RAB31: variants seen among roughly 807,000 people sequenced by gnomAD.
RAB31 encodes the protein RAB31, member RAS oncogene family, also known as ras-related protein Rab-31.
In RAB31, 21 loss-of-function variants were observed where a neutral mutation model predicts 25.6. The observed-to-expected ratio is 0.82, with a 90% confidence interval of 0.58 to 1.18. RAB31 has a LOEUF of 1.18. Ranked by LOEUF, RAB31 falls within the 50% of genes most tolerant of loss-of-function variation. The probability of loss-of-function intolerance (pLI) is 0.00; values close to 1 mark genes in which losing one functional copy is unlikely to be tolerated. For synonymous variants in RAB31, 87 were observed against 84.0 expected (o/e 1.04, Z -0.20); for missense variants, 196 against 250.1 (o/e 0.78, Z 1.46).
intron 5 of RAB31, chr18:9,830,760 C>T (rs1343780439): frequency 6.6e-6 from 1 of 152,166 alleles, no homozygotes; most frequent in East Asian, 1.9e-4. Context: ...TTCCATACCT[C>T]CAAGATCAGG....
At chr18:9,816,891 A>G (rs2068601691) in intron 5 of RAB31, among the ~76,000 whole-genome samples, 1 of 152,254 alleles carries the variant, frequency 6.6e-6, no homozygotes, top group Non-Finnish European at 1.5e-5. Flanking sequence ...GATTAAACCA[A>G]AGAGGAATAA....
intron 5 of RAB31, among the ~76,000 whole-genome samples, chr18:9,822,436 A>G (rs1242070580): frequency 6.6e-6 from 1 of 152,212 alleles, no homozygotes; most frequent in Non-Finnish European, 1.5e-5. Context: ...AGCACGATTC[A>G]TATAAGGAAA....
chr18:9,799,556 G>A (rs2068503531), intron 3 of RAB31, among the ~76,000 whole-genome samples: 2 of 152,052 alleles, frequency 1.3e-5, no homozygotes, highest in Non-Finnish European at 2.9e-5. Context: ...GAGTGCCATG[G>A]CATGATCATA....
chr18:9,826,991 G>C (rs746658751), intron 5 of RAB31, among the ~76,000 whole-genome samples: 9 of 152,076 alleles, frequency 5.9e-5, no homozygotes, highest in Non-Finnish European at 1.0e-4. Flanking sequence ...GTCATTCCTT[G>C]GGAGAAATTA....
At chr18:9,747,972 A>G (rs1158756235) in intron 1 of RAB31, among the ~76,000 whole-genome samples, 1 of 152,232 alleles carries the variant, frequency 6.6e-6, no homozygotes, top group Admixed American at 6.5e-5. Flanking sequence ...CACATGGCAC[A>G]TATAACACCT....
At chr18:9,817,129 G>A (rs1322925335) in intron 5 of RAB31, among the ~76,000 whole-genome samples, 3 of 152,006 alleles carry the variant, frequency 2.0e-5, no homozygotes, top group Non-Finnish European at 4.4e-5. Context: ...AGTGTTCCCA[G>A]CAGAATCACC....
chr18:9,759,010 C>T (rs1451788714), intron 1 of RAB31, among the ~76,000 whole-genome samples: 1 of 151,960 alleles, frequency 6.6e-6, no homozygotes, highest in African/African-American at 2.4e-5. Flanking sequence ...TCTTTGAGAT[C>T]AAGCAGTGTG....
At chr18:9,786,054 AAG>A (rs1183675125) in intron 2 of RAB31, among the ~76,000 whole-genome samples, 1 of 150,828 alleles carries the variant, frequency 6.6e-6, no homozygotes, top group Admixed American at 6.6e-5. Flanking sequence ...CTGAGAAAGA[AAG>A]AGAGAAAGAG....
intron 1 of RAB31, among the ~76,000 whole-genome samples, chr18:9,736,064 T>C (rs1301102016): frequency 3.3e-5 from 5 of 152,092 alleles, no homozygotes. Flanking sequence ...CTGGAACTCC[T>C]GGGCTCACAC....
intron 3 of RAB31, among the ~76,000 whole-genome samples, chr18:9,810,912 G>A (rs16955683): frequency 0.021 from 3,196 of 152,104 alleles, 127 homozygotes; most frequent in African/African-American, 0.073. Context: ...CTTAATCTGC[G>A]GTCCTTACCC....
intron 1 of RAB31, among the ~76,000 whole-genome samples, chr18:9,734,233 A>T (rs1481264864): frequency 2.0e-5 from 3 of 152,146 alleles, no homozygotes; most frequent in African/African-American, 4.8e-5. Context: ...GCACTGTCAC[A>T]GCCCTGTGAG....
At chr18:9,817,083 C>T (rs1187139588) in intron 5 of RAB31, among the ~76,000 whole-genome samples, 1 of 152,102 alleles carries the variant, frequency 6.6e-6, no homozygotes, top group Non-Finnish European at 1.5e-5. Context: ...AGTTATCTCC[C>T]TTCGTTACTG....
chr18:9,806,107 G>A (rs151299507), intron 3 of RAB31, among the ~76,000 whole-genome samples: 10,639 of 151,454 alleles, frequency 0.07, 811 homozygotes, highest in African/African-American at 0.2. Context: ...AACCCGGGAG[G>A]CGGAGCTTGC....
rs2067996129 is a variant in RAB31, at chr18:9,708,318, G to A, written c.-88G>A. On this transcript the variant is annotated 5_prime_UTR_variant, in exon 1 of 7. Coordinates refer to ENST00000578921, the MANE Select transcript of RAB31 (RefSeq NM_006868.4). This position sits in a 1 kb window ranked among gnomAD's most constrained non-coding sequence, Gnocchi z 6.4. ...TTCCGCCCGCGGGCGGCGCGAGCGAGGGGCAGAGGCGAGAGACGCCGGCGG... is the reference window on the plus strand; with the variant it reads ...TTCCGCCCGCGGGCGGCGCGAGCGAAGGGCAGAGGCGAGAGACGCCGGCGG... The A allele has an allele frequency of 1.0e-6, 1 of 987,318 alleles. No individual in the cohort carries two copies. Among genetic ancestry groups the A allele is most frequent in the Non-Finnish European group, 1.3e-6 (1 of 757,554 alleles). 61.2% of individuals were successfully genotyped at this position (987,318 alleles called of 1,614,324 possible). A position where few individuals can be genotyped will look rare whatever the true frequency, so the allele number is the denominator to read the frequency against.
At chr18:9,782,199 G>A (rs1782359672) in intron 2 of RAB31, among the ~76,000 whole-genome samples, 1 of 152,196 alleles carries the variant, frequency 6.6e-6, no homozygotes, top group Admixed American at 6.5e-5. Flanking sequence ...TATATGTCCT[G>A]CCTGGTCCCT....
At chr18:9,761,886 C>T (rs573629525) in intron 1 of RAB31, among the ~76,000 whole-genome samples, 68 of 152,336 alleles carry the variant, frequency 4.5e-4, no homozygotes, top group African/African-American at 1.6e-3. Context: ...TGGCTCACTG[C>T]AACCTCTGCC....
chr18:9,714,061 C>T (rs1040471655), intron 1 of RAB31, among the ~76,000 whole-genome samples: 1 of 152,184 alleles, frequency 6.6e-6, no homozygotes, highest in Non-Finnish European at 1.5e-5. Flanking sequence ...CAATAGTGTT[C>T]AGGCATGTGG....
In RAB31 at chr18:9,815,269, C is replaced by T. The variant is rs774477230; in HGVS notation, c.380+47C>T. On this transcript the variant is annotated intron_variant, in intron 5 of 6. Coordinates refer to ENST00000578921, the MANE Select transcript of RAB31 (RefSeq NM_006868.4). The stretch of plus-strand genomic sequence containing the variant: ...TTTGTGTAGATACTGTCCTCCATCC[C>T]TGAGTGTCATCCGTGTAGATACTGT... The T allele has an allele frequency of 3.6e-5, 46 of 1,278,994 alleles. 1 individual carries two copies. Among genetic ancestry groups the T allele is most frequent in the Middle Eastern group, 3.7e-4 (2 of 5,462 alleles). The allele number at this position is 1,278,994 out of a possible 1,614,324, so 79.2% of individuals were successfully genotyped here. A position where few individuals can be genotyped will look rare whatever the true frequency, so the allele number is the denominator to read the frequency against.
At chr18:9,804,222 G>A (rs544086867) in intron 3 of RAB31, among the ~76,000 whole-genome samples, 15 of 152,356 alleles carry the variant, frequency 9.8e-5, no homozygotes, top group South Asian at 2.1e-4. Flanking sequence ...TCTCCAGTGC[G>A]TGTCCCCTTC....
Sources: gnomAD v4.1 joint callset for allele counts (sites outside exome capture counted in the v4.1 genomes callset) on GRCh38, gnomAD v4.1.1 for gene constraint, Gnocchi (gnomAD v3.1) non-coding constraint, MANE v1.5 for transcripts, NCBI Gene and HGNC (gene_info 2026-07-23, HGNC 2026-07-21) for gene names.